Variants in ARHGAP15 observed in about 807,000 individuals in gnomAD.
ARHGAP15 encodes the protein Rho GTPase activating protein 15.
In ARHGAP15, 51 loss-of-function variants were observed where a neutral mutation model predicts 63.7. That is an observed-to-expected ratio of 0.80 (90% CI 0.64 to 1.01). ARHGAP15 has a LOEUF of 1.01. Ranked by LOEUF, ARHGAP15 falls within the 50% of genes least tolerant of loss-of-function variation. ARHGAP15 has a pLI of 0.00. For synonymous variants in ARHGAP15, 191 were observed against 193.8 expected (o/e 0.99, Z 0.12); for missense variants, 560 against 564.6 (o/e 0.99, Z 0.08).
At chr2:143,282,213 T>C (rs913787128) in intron 6 of ARHGAP15, among the ~76,000 whole-genome samples, 1 of 151,076 alleles carries the variant, frequency 6.6e-6, no homozygotes, top group Non-Finnish European at 1.5e-5. Context: ...TCTATTACTT[T>C]AATAATAATT....
chr2:143,393,587 C>A (rs965085329), intron 6 of ARHGAP15, among the ~76,000 whole-genome samples: 1 of 151,896 alleles, frequency 6.6e-6, no homozygotes, highest in Non-Finnish European at 1.5e-5. Context: ...CAAAATTAGC[C>A]AGGCCTGGTG....
At chr2:143,409,698 T>A (rs776186458) in intron 6 of ARHGAP15, among the ~76,000 whole-genome samples, 32 of 152,166 alleles carry the variant, frequency 2.1e-4, no homozygotes, top group Non-Finnish European at 4.3e-4. Context: ...TGCTTAAATA[T>A]ATTGAGATAC....
intron 6 of ARHGAP15, among the ~76,000 whole-genome samples, chr2:143,273,793 A>G (rs1681414875): frequency 6.6e-6 from 1 of 152,086 alleles, no homozygotes; most frequent in Non-Finnish European, 1.5e-5. Context: ...TCCATATTTT[A>G]TTCCTATAAA....
chr2:143,140,034 G>A (rs1437655360), intron 1 of ARHGAP15, among the ~76,000 whole-genome samples: 1 of 152,168 alleles, frequency 6.6e-6, no homozygotes, highest in Admixed American at 6.6e-5. Context: ...GTTAAACGCG[G>A]TGGTAAGAGT....
rs139086366 is a variant in ARHGAP15, at chr2:143,660,163, T to C, written c.1138+35896T>C. On this transcript the variant is annotated intron_variant, in intron 12 of 13. Transcript: ENST00000295095. ...CCATGCTAACTCTTCCACTCAAACTTACCTCTCTGTAAAACCTATTACTTA... is the reference window on the plus strand; with the variant it reads ...CCATGCTAACTCTTCCACTCAAACTCACCTCTCTGTAAAACCTATTACTTA... Among the ~76,000 whole-genome samples the C allele has an allele frequency of 1.5e-4, 23 of 152,344 alleles. No individual in the cohort carries two copies. In the East Asian group the frequency reaches 3.7e-3, roughly 24 times the overall value.
At chr2:143,469,657 A>G (rs1269803726) in intron 8 of ARHGAP15, among the ~76,000 whole-genome samples, 1 of 152,250 alleles carries the variant, frequency 6.6e-6, no homozygotes, top group Non-Finnish European at 1.5e-5. Flanking sequence ...GATCCACTTT[A>G]GGTATGACTT....
At chr2:143,657,217 G>A (rs1191482445) in intron 12 of ARHGAP15, among the ~76,000 whole-genome samples, 2 of 152,084 alleles carry the variant, frequency 1.3e-5, no homozygotes, top group African/African-American at 4.8e-5. Context: ...CGTTGCGGCT[G>A]GCGCTTGTAG....
At chr2:143,767,001 T>C (rs1021089987) in intron 13 of ARHGAP15, 3 of 152,200 alleles carry the variant, frequency 2.0e-5, no homozygotes, top group Admixed American at 6.5e-5. Context: ...CCCACTGTCC[T>C]GTAAAAAAGT....
chr2:143,752,154 T>A (rs541927070), intron 13 of ARHGAP15, among the ~76,000 whole-genome samples: 1 of 152,274 alleles, frequency 6.6e-6, no homozygotes, highest in South Asian at 2.1e-4. Context: ...ACCTGGCTTC[T>A]AGTAATTAAG....
intron 10 of ARHGAP15, chr2:143,521,942 A>C (rs1374847110): frequency 2.6e-5 from 4 of 152,162 alleles, no homozygotes; most frequent in African/African-American, 9.7e-5. Context: ...TTATCCATCC[A>C]GTCAGTCAGT....
At chr2:143,526,971 T>A (rs1276932335) in intron 10 of ARHGAP15, among the ~76,000 whole-genome samples, 1 of 152,162 alleles carries the variant, frequency 6.6e-6, no homozygotes, top group African/African-American at 2.4e-5. Context: ...TACATTGTAT[T>A]TGTGTAGGTA....
rs149579575 is a variant in ARHGAP15, at chr2:143,194,559, A to C, written c.166-7575A>C. ...GAAATTCATGGCTAAAAAATACGTG[A>C]TTCTACAGAGAAAAACCAAGAAAAT... On this transcript the variant is annotated intron_variant, in intron 2 of 13. Transcript: ENST00000295095. Among the ~76,000 whole-genome samples, 148 of 152,264 alleles carry C rather than the reference A, an allele frequency of 9.7e-4. 1 individual carries two copies. Among genetic ancestry groups the C allele is most frequent in the African/African-American group, 3.4e-3 (140 of 41,556 alleles).
rs541994742 is a variant in ARHGAP15, at chr2:143,152,103, C to T, written c.-14-3374C>T. ...CAGAGTGTCTAGAATACCAGCCCCT[C>T]TGGTACTGGTTGGGTTAGAAGGGAT... On this transcript the variant is annotated intron_variant, in intron 1 of 13. Transcript: ENST00000295095. Among the ~76,000 whole-genome samples, 4 of 152,112 alleles carry T rather than the reference C, an allele frequency of 2.6e-5. No homozygotes were observed. The South Asian group carries it at 8.3e-4, about 32-fold the overall frequency.
rs535247019 is a variant in ARHGAP15, at chr2:143,418,513, T to C, written c.475-17088T>C. Among the ~76,000 whole-genome samples the C allele has an allele frequency of 5.3e-5, 8 of 152,248 alleles. No homozygotes were observed. The South Asian group carries it at 6.2e-4, about 12-fold the overall frequency. ...ATTTTTTGTTCGTCCCAAATTAATA[T>C]AGATATAATATACAATCTTATCAAA... On this transcript the variant is annotated intron_variant, in intron 6 of 13. Transcript: ENST00000295095.
intron 6 of ARHGAP15, among the ~76,000 whole-genome samples, chr2:143,340,629 A>G (rs947732388): frequency 1.3e-5 from 2 of 151,986 alleles, no homozygotes; most frequent in Non-Finnish European, 2.9e-5. Flanking sequence ...AAATCTGGCA[A>G]CTTCTAAATT....
rs1320586695 is a variant in ARHGAP15, at chr2:143,248,429, T to G, written c.385-2082T>G. ...TAGCTTTTCCCAAATTCTTACATGT[T>G]TTTAGCATATGATCACAGTGTCTAT... On this transcript the variant is annotated intron_variant, in intron 5 of 13. Coordinates refer to ENST00000295095, the MANE Select transcript of ARHGAP15 (RefSeq NM_018460.4). Among the ~76,000 whole-genome samples the G allele has an allele frequency of 2.0e-5, 3 of 152,300 alleles. No homozygotes were observed. In the East Asian group the frequency reaches 5.8e-4, roughly 29 times the overall value.
chr2:143,423,962 G>T (rs1689038689), intron 6 of ARHGAP15, among the ~76,000 whole-genome samples: 1 of 152,058 alleles, frequency 6.6e-6, no homozygotes. Flanking sequence ...GAAATGTTTT[G>T]CAACATACAT....
chr2:143,609,479 C>T (rs968688889), intron 11 of ARHGAP15, among the ~76,000 whole-genome samples: 2 of 152,136 alleles, frequency 1.3e-5, no homozygotes, highest in Non-Finnish European at 2.9e-5. Flanking sequence ...AATGCGTGTA[C>T]ATGTTTTTCT....
At chr2:143,462,483 A>C (rs1051386015) in intron 8 of ARHGAP15, among the ~76,000 whole-genome samples, 3 of 152,252 alleles carry the variant, frequency 2.0e-5, no homozygotes, top group African/African-American at 7.2e-5. Flanking sequence ...TCACATTCCC[A>C]GTAGATATTT....
Sources: gnomAD v4.1 joint callset for allele counts (sites outside exome capture counted in the v4.1 genomes callset) on GRCh38, gnomAD v4.1.1 for gene constraint, MANE v1.5 for transcripts, NCBI Gene and HGNC (gene_info 2026-07-23, HGNC 2026-07-21) for gene names.